CACHD1: variants seen among roughly 807,000 people sequenced by gnomAD.
The protein encoded by CACHD1 is VWFA and cache domain-containing protein 1.
Under a neutral mutation model 138.7 loss-of-function variants are expected in CACHD1, and 71 were observed. That is an observed-to-expected ratio of 0.51 (90% CI 0.42 to 0.62). The LOEUF is 0.62. CACHD1 is among the 20% of genes least tolerant of loss of function. The pLI, the probability that CACHD1 is intolerant of heterozygous loss-of-function variation, is 0.00. For synonymous variants in CACHD1, 578 were observed against 591.5 expected, an observed-to-expected ratio of 0.98 and a Z score of 0.33; for missense variants, 1,389 against 1,625.3, an observed-to-expected ratio of 0.85 and a Z score of 2.50.
At chr1:64,637,072 C>T (rs1484086868) in intron 7 of CACHD1, among the ~76,000 whole-genome samples, 1 of 152,218 alleles carries the variant, frequency 6.6e-6, no homozygotes, top group Non-Finnish European at 1.5e-5. Context: ...AATTCAAGTA[C>T]TCAAGGCAGA....
At chr1:64,567,926 C>T (rs1051410940) in intron 2 of CACHD1, among the ~76,000 whole-genome samples, 2 of 152,032 alleles carry the variant, frequency 1.3e-5, no homozygotes, top group African/African-American at 2.4e-5. Context: ...GTGCTGTTAG[C>T]GACGAGCTTT....
chr1:64,675,183 A>G (rs1015740857), intron 19 of CACHD1, among the ~76,000 whole-genome samples: 3 of 152,230 alleles, frequency 2.0e-5, no homozygotes, highest in African/African-American at 7.2e-5. Context: ...TTCATAATAT[A>G]TACACAGCTG....
chr1:64,622,331 T>A (rs1008255998), intron 4 of CACHD1, among the ~76,000 whole-genome samples: 4 of 152,240 alleles, frequency 2.6e-5, no homozygotes, highest in African/African-American at 9.6e-5. Flanking sequence ...CTTGTGTCTG[T>A]GCGATTTTCC....
chr1:64,537,435 G>T (rs2100419221), intron 1 of CACHD1, among the ~76,000 whole-genome samples: 1 of 152,244 alleles, frequency 6.6e-6, no homozygotes, highest in East Asian at 1.9e-4. Context: ...GTTCCCATCA[G>T]GTCTTATAAA....
intron 1 of CACHD1, among the ~76,000 whole-genome samples, chr1:64,526,626 T>A (rs1329092441): frequency 2.6e-5 from 4 of 152,218 alleles, no homozygotes; most frequent in Non-Finnish European, 4.4e-5. Context: ...AGTTAAAATT[T>A]CAAAATTGAT....
intron 26 of CACHD1, among the ~76,000 whole-genome samples, chr1:64,689,089 A>C (rs1053621681): frequency 6.6e-6 from 1 of 151,960 alleles, no homozygotes; most frequent in African/African-American, 2.4e-5. Context: ...ACCTGGCACC[A>C]AGAAGGCACT....
intron 5 of CACHD1, among the ~76,000 whole-genome samples, chr1:64,629,761 G>A (rs1158500694): frequency 6.6e-6 from 1 of 152,072 alleles, no homozygotes; most frequent in Non-Finnish European, 1.5e-5. Flanking sequence ...AGAGTGTTTT[G>A]AGTTTCAGAA....
At chr1:64,483,081 T>G (rs1244930915) in intron 1 of CACHD1, among the ~76,000 whole-genome samples, 1 of 152,218 alleles carries the variant, frequency 6.6e-6, no homozygotes, top group East Asian at 1.9e-4. Context: ...TACTTTAGAA[T>G]TACCAGGAAA....
rs138410902 is a variant in CACHD1, at chr1:64,655,355, C to T, written c.1782+552C>T. ...GTGTGTGTGTGTATACGCTCACCCA[C>T]GGCTTTAATGGCTATATAGGATTGC... On this transcript the variant is annotated intron_variant, in intron 12 of 26. Transcript: ENST00000651257. Among the ~76,000 whole-genome samples the T allele has an allele frequency of 2.3e-4, 35 of 152,244 alleles. No homozygotes were observed. In the East Asian group the frequency reaches 4.8e-3, roughly 21 times the overall value.
In CACHD1 at chr1:64,625,074, A is replaced by G. The variant is rs142815491; in HGVS notation, c.518-4281A>G. On this transcript the variant is annotated intron_variant, in intron 4 of 26. Coordinates refer to ENST00000651257, the MANE Select transcript of CACHD1 (RefSeq NM_020925.4). The stretch of plus-strand genomic sequence containing the variant: ...GTCTGCAAAGCCAGAAATATTTACT[A>G]TCTGGCCCATTACAGAAGTTGGTCG... Among the ~76,000 whole-genome samples the G allele has an allele frequency of 2.3e-3, 346 of 152,316 alleles. 2 individuals are homozygous for G. The highest frequency in any genetic ancestry group is 8.0e-3 in the African/African-American group (331 of 41,572).
intron 13 of CACHD1, 75 bp downstream of exon 13, chr1:64,658,948 C>G: frequency 5.6e-6 from 7 of 1,257,590 alleles, no homozygotes; most frequent in Non-Finnish European, 7.4e-6. Context: ...TACCATCCAC[C>G]CCACCCCTCC....
intron 22 of CACHD1, among the ~76,000 whole-genome samples, chr1:64,677,320 G>T (rs1650031442): frequency 2.0e-5 from 3 of 152,260 alleles, no homozygotes; most frequent in East Asian, 3.9e-4. Context: ...AGTGGTCAAG[G>T]CTCTAGGTGT....
intron 2 of CACHD1, among the ~76,000 whole-genome samples, chr1:64,571,220 G>A (rs1646925129): frequency 6.6e-6 from 1 of 152,148 alleles, no homozygotes; most frequent in African/African-American, 2.4e-5. Flanking sequence ...TTCATAAGAT[G>A]CTTCCTTTTG....
chr1:64,597,087 G>A (rs780517442), intron 3 of CACHD1, among the ~76,000 whole-genome samples: 1 of 152,098 alleles, frequency 6.6e-6, no homozygotes, highest in Non-Finnish European at 1.5e-5. Context: ...GTGTGAGTGG[G>A]GGGGTGCTGG....
At position 64,471,244 on chromosome 1, in the gene CACHD1, C is replaced by T. The variant is rs149895366; in HGVS notation, c.198+302C>T. ...GCGCCTTCATCTCGTCAAGGATTCT[C>T]CAGTTTCCTCGCACGTCTTCTCTAA... is the stretch of plus-strand genomic sequence containing the variant. On this transcript the variant is annotated intron_variant, in intron 1 of 26. Transcript: ENST00000651257. Among the ~76,000 whole-genome samples, 419 of 152,322 alleles carry T rather than the reference C, an allele frequency of 2.8e-3. 2 individuals are homozygous for T. The highest frequency in any genetic ancestry group is 9.8e-3 in the African/African-American group (408 of 41,584).
In CACHD1 at chr1:64,643,042, A is replaced by G. The variant is rs1214046391; in HGVS notation, c.1156+1073A>G. On this transcript the variant is annotated intron_variant, in intron 8 of 26. Coordinates refer to ENST00000651257, the MANE Select transcript of CACHD1 (RefSeq NM_020925.4). Reference sequence around the variant, plus strand: ...GACAGAGCAAGACTCTGTCTAAAAAAAAAAAAAAAAAAAAAAAAAAAAAAA... The same window carrying G: ...GACAGAGCAAGACTCTGTCTAAAAAGAAAAAAAAAAAAAAAAAAAAAAAAA... Among the ~76,000 whole-genome samples the G allele has an allele frequency of 7.2e-5, 3 of 41,528 alleles. No individual in the cohort carries two copies. The East Asian group carries it at 1.4e-3, about 19-fold the overall frequency. 27.2% of individuals were successfully genotyped at this position (41,528 alleles called of 152,430 possible).
At chr1:64,589,495 T>C (rs1279148841) in intron 3 of CACHD1, among the ~76,000 whole-genome samples, 1 of 152,044 alleles carries the variant, frequency 6.6e-6, no homozygotes, top group Non-Finnish European at 1.5e-5. Context: ...TGCGTGCGTG[T>C]GTGTGTGTAC....
chr1:64,688,413 T>G (rs1259395150), intron 26 of CACHD1, among the ~76,000 whole-genome samples: 1 of 152,124 alleles, frequency 6.6e-6, no homozygotes, highest in Non-Finnish European at 1.5e-5. Flanking sequence ...CTCTTAATCC[T>G]GGGTAAGGGC....
chr1:64,664,866 A>G (rs915779766), intron 15 of CACHD1, among the ~76,000 whole-genome samples, 187 bp downstream of exon 15: 1 of 152,174 alleles, frequency 6.6e-6, no homozygotes, highest in Non-Finnish European at 1.5e-5. Context: ...TTTTCTATCT[A>G]AAATGTTTTT....
Sources: allele counts gnomAD v4.1 joint callset (sites outside exome capture counted in the v4.1 genomes callset), GRCh38; gene constraint gnomAD v4.1.1; transcripts MANE v1.5; gene names NCBI Gene and HGNC (gene_info 2026-07-23, HGNC 2026-07-21).